The following ST8SIA6 variants were observed in gnomAD, a reference collection of about 807,000 sequenced individuals.
The protein encoded by ST8SIA6 is alpha-2,8-sialyltransferase 8F.
ST8SIA6 carries 39 observed loss-of-function variants against 33.6 expected under a neutral mutation model. That is an observed-to-expected ratio of 1.16 (90% confidence interval 0.90 to 1.52). ST8SIA6 has a LOEUF of 1.52. Ranked by LOEUF, ST8SIA6 falls within the 40% of genes most tolerant of loss-of-function variation. The pLI, the probability that ST8SIA6 is intolerant of heterozygous loss-of-function variation, is 0.00. For synonymous variants in ST8SIA6, 172 were observed against 167.2 expected (o/e 1.03, Z -0.22); for missense variants, 441 against 443.8 (o/e 0.99, Z 0.06).
intron 2 of ST8SIA6, among the ~76,000 whole-genome samples, chr10:17,447,927 G>GTAGC (rs1341694567): frequency 5.3e-5 from 8 of 152,230 alleles, no homozygotes; most frequent in Admixed American, 5.2e-4. Flanking sequence ...AACCTCCTGA[G>GTAGC]TAGCTGGCAT....
At chr10:17,411,922 GT>G (rs34919851) in intron 2 of ST8SIA6, among the ~76,000 whole-genome samples, 50,371 of 148,716 alleles carry the variant, frequency 0.34, 9,251 homozygotes, top group East Asian at 0.65. Flanking sequence ...TTTAAGGAAT[GT>G]TTTTTTTTTT....
Position 17,435,917 on chromosome 10 carries a change from G to A in ST8SIA6, c.200+17642C>T, listed in dbSNP as rs147430020. Among the ~76,000 whole-genome samples, 454 of 152,228 alleles carry A rather than the reference G, an allele frequency of 3.0e-3. 1 individual carries two copies. The highest frequency in any genetic ancestry group is 0.01 in the African/African-American group (422 of 41,536). On this transcript the variant is annotated intron_variant, in intron 2 of 7. Coordinates refer to ENST00000377602, the MANE Select transcript of ST8SIA6 (RefSeq NM_001004470.3). ...TCTGTGAAAGTTGATTATGTGAATT[G>A]GGTGATTCTTGCCATACCCAAATAA...
At chr10:17,431,554 A>G (rs1359511272) in intron 2 of ST8SIA6, among the ~76,000 whole-genome samples, 6 of 152,186 alleles carry the variant, frequency 3.9e-5, no homozygotes, top group Admixed American at 3.3e-4. Context: ...TGTTAGAACA[A>G]CAACGCAGAG....
intron 2 of ST8SIA6, among the ~76,000 whole-genome samples, chr10:17,432,079 C>T (rs188410590): frequency 5.0e-4 from 76 of 152,196 alleles, no homozygotes; most frequent in African/African-American, 1.8e-3. Flanking sequence ...GACCCTTAGT[C>T]CAGGAAGAGA....
intron 3 of ST8SIA6, among the ~76,000 whole-genome samples, chr10:17,362,595 C>T (rs1025478272): frequency 5.9e-5 from 9 of 152,200 alleles, no homozygotes; most frequent in Non-Finnish European, 1.5e-5. Flanking sequence ...TTAATTATGA[C>T]TTTACATGTT....
chr10:17,360,955 G>A (rs565193843), intron 3 of ST8SIA6, among the ~76,000 whole-genome samples: 53 of 126,334 alleles, frequency 4.2e-4, no homozygotes, highest in South Asian at 7.9e-4. Flanking sequence ...GAAGAAGAAG[G>A]AGGAGGAGGA....
intron 2 of ST8SIA6, among the ~76,000 whole-genome samples, chr10:17,418,977 G>A (rs1160555735): frequency 2.1e-5 from 2 of 95,054 alleles, no homozygotes; most frequent in African/African-American, 8.7e-5. Flanking sequence ...TGGGCAATAA[G>A]AGCAAGGCTC....
intron 3 of ST8SIA6, among the ~76,000 whole-genome samples, chr10:17,377,146 G>A (rs780048336): frequency 4.6e-5 from 7 of 151,998 alleles, no homozygotes; most frequent in Non-Finnish European, 1.0e-4. Context: ...TTGACCTTGT[G>A]ACATTCCTTC....
At chr10:17,384,555 G>A (rs1477064842) in intron 3 of ST8SIA6, among the ~76,000 whole-genome samples, 1 of 152,098 alleles carries the variant, frequency 6.6e-6, no homozygotes, top group African/African-American at 2.4e-5. Flanking sequence ...CTTGCCTAAT[G>A]TTTTCTTTTC....
chr10:17,354,949 G>A (rs1293758350), intron 4 of ST8SIA6, among the ~76,000 whole-genome samples: 2 of 152,186 alleles, frequency 1.3e-5, no homozygotes, highest in Non-Finnish European at 2.9e-5. Flanking sequence ...AAAAGCTGAA[G>A]GAAGTTTGAG....
chr10:17,450,753 C>G (rs956757700), intron 2 of ST8SIA6, among the ~76,000 whole-genome samples: 3 of 152,186 alleles, frequency 2.0e-5, no homozygotes, highest in Non-Finnish European at 4.4e-5. Flanking sequence ...ACTTGGATAG[C>G]ATCTTAAAGT....
At chr10:17,404,226 T>C (rs1564448175) in intron 2 of ST8SIA6, among the ~76,000 whole-genome samples, 1 of 152,200 alleles carries the variant, frequency 6.6e-6, no homozygotes, top group African/African-American at 2.4e-5. Context: ...GTCTATTTTA[T>C]AAACTGAGGA....
intron 2 of ST8SIA6, among the ~76,000 whole-genome samples, chr10:17,402,499 A>G (rs1031529446): frequency 3.3e-5 from 5 of 152,224 alleles, no homozygotes; most frequent in African/African-American, 1.2e-4. Flanking sequence ...TTGTGGCACT[A>G]TTCACAATAG....
chr10:17,361,633 T>C (rs1162158369), intron 3 of ST8SIA6, among the ~76,000 whole-genome samples: 1 of 148,964 alleles, frequency 6.7e-6, no homozygotes, highest in Admixed American at 6.7e-5. Flanking sequence ...TTCTAGAAAA[T>C]TGAAGGGAGT....
chr10:17,336,859 G>T (rs1848515793), intron 4 of ST8SIA6, among the ~76,000 whole-genome samples: 1 of 152,100 alleles, frequency 6.6e-6, no homozygotes, highest in Non-Finnish European at 1.5e-5. Context: ...CTCCAAAAGT[G>T]CTGGGATTAC....
chr10:17,411,172 TTGTGTGTGTGTG>T (rs72283269), intron 2 of ST8SIA6, among the ~76,000 whole-genome samples: 3 of 150,064 alleles, frequency 2.0e-5, no homozygotes, highest in Admixed American at 2.0e-4. Context: ...CTTGAACTCT[TTGTGTGTGTGTG>T]TGTGTGTGTG....
At chr10:17,453,408 C>T (rs950950630) in intron 2 of ST8SIA6, 151 bp downstream of exon 2, 2 of 498,268 alleles carry the variant, frequency 4.0e-6, no homozygotes, top group Non-Finnish European at 3.1e-6. Flanking sequence ...CCCCCCAACC[C>T]CGCGCCCTCT....
chr10:17,318,365 G>A lies in ST8SIA6; in HGVS notation c.*2513C>T, dbSNP rs359326. 1,044 of 254,574 alleles carry A rather than the reference G, an allele frequency of 4.1e-3. 28 individuals are homozygous for A. The Admixed American group carries it at 0.046, about 11-fold the overall frequency. The allele number at this position is 254,574 out of a possible 1,614,324, so 15.8% of individuals were successfully genotyped here. On this transcript the variant is annotated 3_prime_UTR_variant, in exon 8 of 8. Transcript: ENST00000377602. ...CAAGTAGCTGGGACCACAGGTGCAC[G>A]CCACTATGCTCAGCTAATTTTTTTG...
intron 7 of ST8SIA6, among the ~76,000 whole-genome samples, chr10:17,321,716 T>C (rs919303378): frequency 2.0e-5 from 3 of 152,254 alleles, no homozygotes; most frequent in African/African-American, 4.8e-5. Context: ...AAGCATAGTA[T>C]GCATATCAAT....
Sources: allele counts gnomAD v4.1 joint callset (sites outside exome capture counted in the v4.1 genomes callset), GRCh38; gene constraint gnomAD v4.1.1; transcripts MANE v1.5; gene names NCBI Gene and HGNC (gene_info 2026-07-23, HGNC 2026-07-21).